The following SLC6A14 variants were observed in gnomAD, a reference collection of about 807,000 sequenced individuals.
SLC6A14 encodes sodium- and chloride-dependent neutral and basic amino acid transporter B(0+).
A neutral mutation model predicts 51.4 loss-of-function variants in SLC6A14; 21 were observed. The ratio of observed to expected loss-of-function variants is 0.41; its 90% CI spans 0.29 to 0.59. The LOEUF (loss-of-function observed/expected upper bound fraction) is 0.59, where lower values mean the gene tolerates loss of function less well. Ranked by LOEUF, SLC6A14 falls within the 20% of genes least tolerant of loss-of-function variation. The pLI, the probability that SLC6A14 is intolerant of heterozygous loss-of-function variation, is 0.31. For synonymous variants in SLC6A14, 177 were observed against 160.7 expected, an observed-to-expected ratio of 1.10 and a Z score of -0.77; for missense variants, 371 against 472.8, an observed-to-expected ratio of 0.78 and a Z score of 2.00.
intron 11 of SLC6A14, 47 bp from the exon 12 acceptor site, chrX:116,455,310 G>A: frequency 1.9e-6 from 2 of 1,029,632 alleles, no homozygotes; most frequent in South Asian, 3.9e-5. Context: ...AATGGTTACT[G>A]GAAGAAAATA....
At chrX:116,448,575 A>G (rs1602513163) in intron 7 of SLC6A14, among the ~76,000 whole-genome samples, 1 of 111,991 alleles carries the variant, frequency 8.9e-6, no homozygotes, top group Admixed American at 9.5e-5. Flanking sequence ...TTTTATATAA[A>G]TATGAGCTAA....
At chrX:116,452,893 A>G in intron 8 of SLC6A14, 124 bp from the exon 9 acceptor site, 1 of 531,987 alleles carries the variant, frequency 1.9e-6, no homozygotes, top group Non-Finnish European at 2.8e-6. Flanking sequence ...TAGTTGGTAA[A>G]AAAATTTATG....
intron 6 of SLC6A14, among the ~76,000 whole-genome samples, chrX:116,446,100 C>T (rs1927709000): frequency 2.1e-5 from 2 of 96,516 alleles, no homozygotes; most frequent in South Asian, 9.0e-4. Context: ...TATTATAAAA[C>T]ATAGGACATC....
chrX:116,440,828 G>A (rs781831356), intron 2 of SLC6A14, 138 bp from the exon 3 acceptor site: 17 of 551,790 alleles, frequency 3.1e-5, no homozygotes, highest in Non-Finnish European at 4.9e-5. Context: ...TTCATAGAAA[G>A]CAGTGAACTT....
rs1927996793 is a variant in SLC6A14 at position 116,459,330 on chromosome X, T to C, written c.*375T>C. The C allele has an allele frequency of 8.6e-6, 1 of 116,755 alleles. No homozygotes were observed. Among genetic ancestry groups the C allele is most frequent in the Non-Finnish European group, 1.8e-5 (1 of 56,418 alleles). 9.6% of individuals were successfully genotyped at this position (116,755 alleles called of 1,213,427 possible). A position where few individuals can be genotyped will look rare whatever the true frequency, so the allele number is the denominator to read the frequency against. The stretch of plus-strand genomic sequence containing the variant: ...CAAGTTTAAAAATATTATTAACTTG[T>C]ATTTTCTTAATATACAATCTATCTT... On this transcript the variant is annotated 3_prime_UTR_variant, in exon 14 of 14. Transcript: ENST00000598581.
intron 6 of SLC6A14, among the ~76,000 whole-genome samples, chrX:116,445,329 G>A (rs1927684623): frequency 9.1e-6 from 1 of 109,690 alleles, no homozygotes; most frequent in Non-Finnish European, 1.9e-5. Context: ...AAGCTTAAGA[G>A]TATATTATTA....
chrX:116,453,264 T>C, intron 9 of SLC6A14, 122 bp downstream of exon 9: 1 of 518,253 alleles, frequency 1.9e-6, no homozygotes. Context: ...CAGAATGATC[T>C]TTCTGAAAGT....
intron 2 of SLC6A14, among the ~76,000 whole-genome samples, chrX:116,439,855 G>T (rs1484246689): frequency 9.1e-6 from 1 of 110,356 alleles, no homozygotes; most frequent in Non-Finnish European, 1.9e-5. Context: ...TCCAGGGTTA[G>T]TATTAAAGTA....
At chrX:116,457,501 A>G in intron 12 of SLC6A14, 108 bp from the exon 13 acceptor site, 1 of 580,007 alleles carries the variant, frequency 1.7e-6, no homozygotes, top group Non-Finnish European at 2.6e-6. Flanking sequence ...ATATTTTCAT[A>G]TTAACTATTT....
At chrX:116,438,053 A>G (rs1244488222) in intron 2 of SLC6A14, 98 bp downstream of exon 2, 12 of 683,579 alleles carry the variant, frequency 1.8e-5, no homozygotes, top group Middle Eastern at 4.7e-4. Context: ...AGTTGAAGGA[A>G]GGCATATGAC....
chrX:116,449,395 C>T (rs1363602563), intron 7 of SLC6A14, among the ~76,000 whole-genome samples: 9 of 111,558 alleles, frequency 8.1e-5, no homozygotes, highest in Admixed American at 7.6e-4. Context: ...TCCAGCTCCC[C>T]CTGTCACACA....
chrX:116,444,405 A>G (rs1927662774), intron 5 of SLC6A14, among the ~76,000 whole-genome samples: 1 of 111,610 alleles, frequency 9.0e-6, no homozygotes, highest in South Asian at 3.7e-4. Context: ...AAGCTTAGAA[A>G]TAAGATCCAT....
intron 8 of SLC6A14, 23 bp downstream of exon 8, chrX:116,451,693 A>G: frequency 1.1e-6 from 1 of 905,966 alleles, no homozygotes; most frequent in Non-Finnish European, 1.6e-6. Context: ...ATATATTATC[A>G]ACTTTGATTA....
Position 116,437,968 on chromosome X carries a change from A to ACGGGGGGCCCC in SLC6A14, c.214+14_214+15insGGGGGGCCCCC. The ACGGGGGGCCCC allele has an allele frequency of 8.9e-7, 1 of 1,122,165 alleles. No individual in the cohort carries two copies. The highest frequency in any genetic ancestry group is 1.2e-6 in the Non-Finnish European group (1 of 840,389). The allele number at this position is 1,122,165 out of a possible 1,213,427, so 92.5% of individuals were successfully genotyped here. ...AGCAATGGTGGAGGTATTCTATTTC[A>ACGGGGGGCCCC]CCCCCACCCTCCCACCCCCGCTTTT... On this transcript the variant is annotated intron_variant, in intron 2 of 13. Transcript: ENST00000598581.
At chrX:116,455,606 C>T (rs1927919017) in intron 12 of SLC6A14, 140 bp downstream of exon 12, 1 of 429,524 alleles carries the variant, frequency 2.3e-6, no homozygotes, top group Non-Finnish European at 4.0e-6. Flanking sequence ...ATGGCTGGTG[C>T]CTCCAAGTTG....
intron 3 of SLC6A14, 99 bp downstream of exon 3, chrX:116,441,196 A>G (rs1255641602): frequency 1.1e-6 from 1 of 886,078 alleles, no homozygotes; most frequent in Non-Finnish European, 1.6e-6. Context: ...GGAACAAAAA[A>G]TTGCTTAAAA....
At chrX:116,448,071 T>C (rs1927753017) in intron 7 of SLC6A14, among the ~76,000 whole-genome samples, 1 of 112,531 alleles carries the variant, frequency 8.9e-6, no homozygotes, top group Non-Finnish European at 1.9e-5. Context: ...ATGAAACTCA[T>C]GCTAATTTCC....
intron 2 of SLC6A14, among the ~76,000 whole-genome samples, chrX:116,438,372 A>G (rs1023066768): frequency 8.9e-6 from 1 of 112,230 alleles, no homozygotes; most frequent in African/African-American, 3.2e-5. Context: ...GCTCAAATAA[A>G]TTATTTGCTT....
chrX:116,448,699 A>G (rs17095419), intron 7 of SLC6A14, among the ~76,000 whole-genome samples: 3,908 of 111,901 alleles, frequency 0.035, 183 homozygotes, highest in African/African-American at 0.12. Context: ...GAGCCTAGTT[A>G]AAAATCCCCT....
Sources: gnomAD v4.1 joint callset for allele counts (sites outside exome capture counted in the v4.1 genomes callset) on GRCh38, gnomAD v4.1.1 for gene constraint, MANE v1.5 for transcripts, NCBI Gene and HGNC (gene_info 2026-07-23, HGNC 2026-07-21) for gene names.